Variants in TJP1 observed in about 807,000 individuals in gnomAD.
TJP1 encodes the protein tight junction protein ZO-1.
TJP1 carries 43 observed loss-of-function variants against 194.2 expected under a neutral mutation model. The ratio of observed to expected loss-of-function variants is 0.22; its 90% CI spans 0.17 to 0.29. TJP1 has a LOEUF of 0.29. Ranked by LOEUF, TJP1 falls within the 10% of genes least tolerant of loss-of-function variation. The pLI, the probability that TJP1 is intolerant of heterozygous loss-of-function variation, is 1.00. For missense variants in TJP1, 1,971 were observed against 2,185.7 expected, an observed-to-expected ratio of 0.90 and a Z score of 1.96; for synonymous variants, 801 against 779.0, an observed-to-expected ratio of 1.03 and a Z score of -0.47.
At chr15:29,747,855 C>T (rs2044912570) in intron 8 of TJP1, among the ~76,000 whole-genome samples, 1 of 152,094 alleles carries the variant, frequency 6.6e-6, no homozygotes, top group Admixed American at 6.6e-5. Context: ...TATCTTTGGC[C>T]AATTTGCATA....
chr15:29,725,469 AC>A (rs1309167084), intron 18 of TJP1, among the ~76,000 whole-genome samples: 6 of 152,132 alleles, frequency 3.9e-5, no homozygotes. Context: ...CACAACAAAA[AC>A]CAAACCAACA....
At chr15:29,943,153 A>G (rs1264663872) in intron 2 of TJP1, among the ~76,000 whole-genome samples, 1 of 152,214 alleles carries the variant, frequency 6.6e-6, no homozygotes, top group East Asian at 1.9e-4. Flanking sequence ...GGGATTTTAT[A>G]TGTGTAAGAG....
At chr15:29,873,431 A>C (rs565293035) in intron 2 of TJP1, among the ~76,000 whole-genome samples, 432 of 152,298 alleles carry the variant, frequency 2.8e-3, no homozygotes, top group Non-Finnish European at 4.9e-3. Context: ...GCAGGAGCTC[A>C]CACTCCTGCG....
intron 2 of TJP1, among the ~76,000 whole-genome samples, chr15:29,925,747 G>A (rs2054505088): frequency 6.6e-6 from 1 of 152,084 alleles, no homozygotes; most frequent in Non-Finnish European, 1.5e-5. Flanking sequence ...CATTTTTACA[G>A]CTTTATGGAA....
chr15:29,856,730 T>C (rs2051865829), intron 2 of TJP1, among the ~76,000 whole-genome samples: 1 of 151,960 alleles, frequency 6.6e-6, no homozygotes, highest in Non-Finnish European at 1.5e-5. Context: ...TCCCAGCACT[T>C]TGGGAGGCTG....
At position 29,718,776 on chromosome 15, in the gene TJP1, C is replaced by T; in HGVS notation, c.3366G>A (p.Glu1122=). 1.2e-6 allele frequency: 2 copies of T among 1,614,160 alleles called. No homozygotes were observed. The highest frequency in any genetic ancestry group is 1.3e-5 in the African/African-American group (1 of 75,034). Residue 1122 remains glutamate, a synonymous_variant, in exon 21 of 28, where the codon GAG becomes GAA. Coordinates refer to ENST00000614355, the MANE Select transcript of TJP1 (RefSeq NM_001330239.4). The stretch of plus-strand genomic sequence containing the variant: ...GTGGAAAGTACCCTCGTTCTGAGGA[C>T]TCTTCGGGATGCTGTCTGGAGTCAA... ...QDLDSRQHPE[E]SSERGYFPRF... is the part of the protein sequence containing the mutation.
At chr15:29,889,562 T>A (rs1352141746) in intron 2 of TJP1, among the ~76,000 whole-genome samples, 4 of 152,386 alleles carry the variant, frequency 2.6e-5, no homozygotes, top group African/African-American at 9.6e-5. Context: ...ATGCTACTTT[T>A]GAACACCAGT....
At chr15:29,951,388 G>A (rs564099936) in intron 2 of TJP1, among the ~76,000 whole-genome samples, 8 of 152,014 alleles carry the variant, frequency 5.3e-5, no homozygotes, top group African/African-American at 7.2e-5. Flanking sequence ...GGCTGGTCTC[G>A]AACTCCTGAC....
Position 29,731,841 on chromosome 15 carries a change from T to G in TJP1, c.2017+592A>C, listed in dbSNP as rs570882254. 4.6e-5 allele frequency among the ~76,000 whole-genome samples: 7 copies of G among 152,270 alleles called. No individual in the cohort carries two copies. In the East Asian group the frequency reaches 1.3e-3, roughly 29 times the overall value. On this transcript the variant is annotated intron_variant, in intron 15 of 27. Coordinates refer to ENST00000614355, the MANE Select transcript of TJP1 (RefSeq NM_001330239.4). ...AGAAAGTAAATAAAACAAGGATCTG[T>G]AAGCAAAACGTATTTGGCATACAAA...
intron 23 of TJP1, among the ~76,000 whole-genome samples, chr15:29,714,596 AG>A (rs1265722443): frequency 4.8e-5 from 6 of 124,444 alleles, no homozygotes; most frequent in South Asian, 2.6e-4. Flanking sequence ...GCTGGAGTCC[AG>A]TGGCACGATC....
chr15:29,874,716 C>T (rs1164074807), intron 2 of TJP1, among the ~76,000 whole-genome samples: 2 of 152,090 alleles, frequency 1.3e-5, no homozygotes, highest in African/African-American at 4.8e-5. Context: ...TGCTTATAAA[C>T]TTCATTGTGA....
At chr15:29,800,028 A>AT (rs1413073299) in intron 2 of TJP1, among the ~76,000 whole-genome samples, 1 of 152,224 alleles carries the variant, frequency 6.6e-6, no homozygotes, top group Non-Finnish European at 1.5e-5. Context: ...AACTTGTTCC[A>AT]TTTTAAACTT....
chr15:29,714,667 A>C (rs561445950), intron 23 of TJP1, among the ~76,000 whole-genome samples: 8 of 148,480 alleles, frequency 5.4e-5, no homozygotes, highest in Admixed American at 4.1e-4. Context: ...CAGTCTCCCG[A>C]GTAGCTGGGA....
Position 29,938,626 on chromosome 15 carries a change from T to G in TJP1, c.306+17606A>C, listed in dbSNP as rs573447469. Among the ~76,000 whole-genome samples the G allele has an allele frequency of 3.3e-5, 5 of 152,330 alleles. No individual in the cohort carries two copies. The East Asian group carries it at 9.6e-4, about 29-fold the overall frequency. On this transcript the variant is annotated intron_variant, in intron 2 of 28. Transcript: ENST00000356107. Reference sequence around the variant, plus strand: ...ACAGTTCTTGGTATATAAATCACCTTCGAATAAGCACAGGGTGTCTGAAAT... The same window carrying G: ...ACAGTTCTTGGTATATAAATCACCTGCGAATAAGCACAGGGTGTCTGAAAT...
chr15:29,818,607 C>A (rs964069328), intron 1 of TJP1, among the ~76,000 whole-genome samples: 1 of 151,514 alleles, frequency 6.6e-6, no homozygotes, highest in Non-Finnish European at 1.5e-5. Flanking sequence ...CGGGTTCAAG[C>A]GTTTCTCCTG....
chr15:29,834,963 G>A lies in TJP1; in HGVS notation c.307-34261C>T, dbSNP rs139337537. ...ACAAAGTGTGGACACACATGGCGAA[G>A]GCATCAGAAAGAACCTGATGGAAAT... is the stretch of plus-strand genomic sequence containing the variant. On this transcript the variant is annotated intron_variant, in intron 2 of 28. Transcript: ENST00000356107. Among the ~76,000 whole-genome samples the A allele has an allele frequency of 3.6e-4, 55 of 152,270 alleles. 1 individual carries two copies. The East Asian group carries it at 0.01, about 28-fold the overall frequency.
intron 5 of TJP1, 113 bp downstream of exon 5, chr15:29,766,153 C>T (rs1203602774): frequency 2.1e-6 from 3 of 1,402,242 alleles, no homozygotes; most frequent in Admixed American, 4.7e-5. Context: ...AGTGATAGAA[C>T]ACAAACACAA....
intron 2 of TJP1, among the ~76,000 whole-genome samples, chr15:29,874,690 AATTTTT>A (rs1165841763): frequency 3.3e-5 from 5 of 152,220 alleles, no homozygotes; most frequent in Admixed American, 6.5e-5. Flanking sequence ...AAAATTTAGA[AATTTTT>A]ATTTTTATTT....
At chr15:29,928,712 G>C (rs1383563176) in intron 2 of TJP1, among the ~76,000 whole-genome samples, 1 of 152,156 alleles carries the variant, frequency 6.6e-6, no homozygotes, top group East Asian at 1.9e-4. Context: ...GGGAGGCCAA[G>C]GCGGGCAGAT....
Sources: allele counts gnomAD v4.1 joint callset (sites outside exome capture counted in the v4.1 genomes callset), GRCh38; gene constraint gnomAD v4.1.1; transcripts MANE v1.5; gene names NCBI Gene and HGNC (gene_info 2026-07-23, HGNC 2026-07-21).